Variants in PDE8B observed in about 807,000 individuals in gnomAD.
The protein encoded by PDE8B is high affinity cAMP-specific and IBMX-insensitive 3',5'-cyclic phosphodiesterase 8B.
Under a neutral mutation model 101.3 loss-of-function variants are expected in PDE8B, and 26 were observed. The observed-to-expected ratio is 0.26, with a 90% CI of 0.19 to 0.36. The LOEUF is 0.36. Among genes scored for constraint, PDE8B ranks in the 10% least tolerant of loss-of-function variants. PDE8B has a pLI of 1.00. For synonymous variants in PDE8B, 424 were observed against 429.3 expected, an observed-to-expected ratio of 0.99 and a Z score of 0.15; for missense variants, 810 against 1,163.1, an observed-to-expected ratio of 0.70 and a Z score of 4.42.
chr5:77,103,098 A>G, the PDE8B span, among the ~76,000 whole-genome samples: 2 of 152,220 alleles, frequency 1.3e-5, no homozygotes, highest in African/African-American at 4.8e-5. Flanking sequence ...ATGCACCATG[A>G]TATCTGTTTG....
the PDE8B span, among the ~76,000 whole-genome samples, chr5:77,204,786 AT>A: frequency 6.6e-6 from 1 of 152,234 alleles, no homozygotes; most frequent in African/African-American, 2.4e-5. Flanking sequence ...CATAACTACT[AT>A]AAAAGAATTG....
intron 10 of PDE8B, among the ~76,000 whole-genome samples, chr5:77,379,176 G>C (rs748405971): frequency 5.9e-5 from 9 of 152,168 alleles, no homozygotes; most frequent in Non-Finnish European, 8.8e-5. Context: ...TTATGACCAA[G>C]GGACAGTATA....
At chr5:77,266,329 C>G (rs971346440) in intron 1 of PDE8B, among the ~76,000 whole-genome samples, 2 of 152,156 alleles carry the variant, frequency 1.3e-5, no homozygotes, top group Admixed American at 6.5e-5. Context: ...ATAAATGTGT[C>G]CTTTTCTCAC....
Position 77,253,506 on chromosome 5 carries a change from C to G in PDE8B, c.339+42242C>G, listed in dbSNP as rs558783660. Among the ~76,000 whole-genome samples, 6 of 152,206 alleles carry G rather than the reference C, an allele frequency of 3.9e-5. No homozygotes were observed. In the South Asian group the frequency reaches 1.2e-3, roughly 32 times the overall value. On this transcript the variant is annotated intron_variant, in intron 1 of 21. Coordinates refer to ENST00000264917, the MANE Select transcript of PDE8B (RefSeq NM_003719.5). ...TTGTATTCTGCTTCTTAGAAGAAAC[C>G]TTTGAAATATGAGAGAAAAAGAAAT...
chr5:77,175,280 G>GT, the PDE8B span, among the ~76,000 whole-genome samples: 5 of 148,388 alleles, frequency 3.4e-5, no homozygotes, highest in African/African-American at 1.3e-4. Context: ...GGGACCAGAG[G>GT]GATTTTCAGA....
intron 1 of PDE8B, among the ~76,000 whole-genome samples, chr5:77,215,110 C>G (rs988113750): frequency 1.2e-4 from 18 of 152,104 alleles, no homozygotes; most frequent in African/African-American, 4.1e-4. Flanking sequence ...CCGAGATTGG[C>G]TAAAAAGTCT....
the PDE8B span, among the ~76,000 whole-genome samples, chr5:77,117,303 AT>A: frequency 2.6e-5 from 4 of 151,942 alleles, no homozygotes; most frequent in African/African-American, 7.2e-5. Context: ...ATATATATGC[AT>A]TTTTTTTCAA....
chr5:77,270,484 C>T (rs1323708689), intron 1 of PDE8B, among the ~76,000 whole-genome samples: 1 of 152,094 alleles, frequency 6.6e-6, no homozygotes, highest in East Asian at 1.9e-4. Flanking sequence ...CTGGTAATTC[C>T]CCATATTCCC....
chr5:77,407,346 C>A, intron 12 of PDE8B, 35 bp from the exon 13 acceptor site: 2 of 1,583,352 alleles, frequency 1.3e-6, no homozygotes, highest in Non-Finnish European at 1.7e-6. Flanking sequence ...ACTGAGCCAC[C>A]GGAACTGGAC....
At chr5:77,128,787 A>G in the PDE8B span, among the ~76,000 whole-genome samples, 5 of 152,208 alleles carry the variant, frequency 3.3e-5, no homozygotes, top group African/African-American at 4.8e-5. Flanking sequence ...CAATTCACAG[A>G]TGCATCGGAC....
the PDE8B span, among the ~76,000 whole-genome samples, chr5:77,192,686 G>A: frequency 8.4e-4 from 128 of 152,214 alleles, 1 homozygote; most frequent in Non-Finnish European, 1.4e-3. Context: ...TTTCTCTTGG[G>A]TAAGTGCCTA....
chr5:77,252,857 A>G (rs983423880), intron 1 of PDE8B, among the ~76,000 whole-genome samples: 6 of 152,182 alleles, frequency 3.9e-5, no homozygotes, highest in Admixed American at 3.3e-4. Flanking sequence ...TACCATCTTA[A>G]AAGCATCAGA....
intron 1 of PDE8B, among the ~76,000 whole-genome samples, chr5:77,281,894 G>T (rs1765089982): frequency 6.6e-6 from 1 of 152,114 alleles, no homozygotes; most frequent in Non-Finnish European, 1.5e-5. Context: ...ACCTCAACTG[G>T]ACTACCTGGT....
intron 10 of PDE8B, among the ~76,000 whole-genome samples, chr5:77,357,685 TCA>T (rs1295555182): frequency 1.3e-5 from 2 of 152,196 alleles, no homozygotes; most frequent in Admixed American, 6.5e-5. Context: ...AGGACTGTGC[TCA>T]CAGCCCCCTG....
chr5:77,101,588 T>C, the PDE8B span, among the ~76,000 whole-genome samples: 2 of 152,138 alleles, frequency 1.3e-5, no homozygotes, highest in Non-Finnish European at 2.9e-5. Flanking sequence ...AAGTTTCTCT[T>C]GTCCTCCAAG....
chr5:77,149,349 C>G, the PDE8B span, among the ~76,000 whole-genome samples: 1 of 152,074 alleles, frequency 6.6e-6, no homozygotes, highest in Non-Finnish European at 1.5e-5. Context: ...TTTGGCTGTA[C>G]TTTGCATTTT....
intron 7 of PDE8B, among the ~76,000 whole-genome samples, chr5:77,348,293 G>A (rs1361085647): frequency 1.3e-5 from 2 of 152,238 alleles, no homozygotes; most frequent in African/African-American, 2.4e-5. Context: ...ACATTTTCCC[G>A]ACATTCTTCA....
chr5:77,362,763 A>G (rs1250200317), intron 10 of PDE8B, among the ~76,000 whole-genome samples: 1 of 152,206 alleles, frequency 6.6e-6, no homozygotes, highest in Non-Finnish European at 1.5e-5. Context: ...AGGCTTGGCC[A>G]TGCCTCTGTG....
intron 10 of PDE8B, among the ~76,000 whole-genome samples, chr5:77,386,476 A>G (rs917867243): frequency 2.0e-5 from 3 of 152,180 alleles, no homozygotes; most frequent in African/African-American, 7.2e-5. Flanking sequence ...TTGGGTGTAT[A>G]TATAATTAGG....
Sources: allele counts gnomAD v4.1 joint callset (sites outside exome capture counted in the v4.1 genomes callset), GRCh38; gene constraint gnomAD v4.1.1; transcripts MANE v1.5; gene names NCBI Gene and HGNC (gene_info 2026-07-23, HGNC 2026-07-21).